TMEM177: variants seen among roughly 807,000 people sequenced by gnomAD.
TMEM177 encodes the protein transmembrane protein 177.
Under a neutral mutation model 14.2 loss-of-function variants are expected in TMEM177, and 4 were observed. The observed-to-expected ratio is 0.28, with a 90% CI of 0.14 to 0.64. The LOEUF (loss-of-function observed/expected upper bound fraction) is 0.64. Ranked by LOEUF, TMEM177 falls within the 30% of genes least tolerant of loss-of-function variation. The pLI, the probability that TMEM177 is intolerant of heterozygous loss-of-function variation, is 0.82. For missense variants in TMEM177, 344 were observed against 405.2 expected (o/e 0.85, Z 1.30); for synonymous variants, 179 against 174.5 (o/e 1.03, Z -0.20).
chr2:119,713,536 A>G, the TMEM177 span, among the ~76,000 whole-genome samples: 22 of 152,178 alleles, frequency 1.4e-4, no homozygotes, highest in Non-Finnish European at 3.1e-4. Context: ...TAAATATTTC[A>G]TTTAAAAACT....
the TMEM177 span, among the ~76,000 whole-genome samples, chr2:119,706,379 C>T: frequency 6.6e-6 from 1 of 152,098 alleles, no homozygotes; most frequent in Non-Finnish European, 1.5e-5. Context: ...AAGGGGTGGC[C>T]TCACCACTAG....
At chr2:119,694,206 A>ATG in the TMEM177 span, among the ~76,000 whole-genome samples, 2 of 151,748 alleles carry the variant, frequency 1.3e-5, no homozygotes, top group African/African-American at 4.8e-5. Context: ...TACCATGCAC[A>ATG]CACAACACAA....
chr2:119,714,851 G>A, the TMEM177 span, among the ~76,000 whole-genome samples: 3 of 152,254 alleles, frequency 2.0e-5, no homozygotes, highest in Admixed American at 6.5e-5. Context: ...GGACTTAATC[G>A]TGAAATTGGT....
At chr2:119,705,699 GACAGTCCATC>G in the TMEM177 span, among the ~76,000 whole-genome samples, 1 of 150,244 alleles carries the variant, frequency 6.7e-6, no homozygotes, top group African/African-American at 2.5e-5. Flanking sequence ...TCAAGGGAGT[GACAGTCCATC>G]ACATTGGCCA....
chr2:119,709,716 T>A, the TMEM177 span, among the ~76,000 whole-genome samples: 1 of 149,328 alleles, frequency 6.7e-6, no homozygotes, highest in African/African-American at 2.5e-5. Flanking sequence ...TCCCAGCTAC[T>A]TGGGAGGCTG....
the TMEM177 span, among the ~76,000 whole-genome samples, chr2:119,699,462 C>T: frequency 6.6e-6 from 1 of 152,112 alleles, no homozygotes; most frequent in Non-Finnish European, 1.5e-5. Flanking sequence ...AATTCAGGCT[C>T]GCAGACAATT....
the TMEM177 span, among the ~76,000 whole-genome samples, chr2:119,722,896 T>G: frequency 5.9e-5 from 9 of 152,224 alleles, no homozygotes; most frequent in African/African-American, 1.9e-4. Flanking sequence ...TACTAAGGAT[T>G]ATGCAACTGT....
chr2:119,716,163 G>A, the TMEM177 span, among the ~76,000 whole-genome samples: 2 of 152,214 alleles, frequency 1.3e-5, no homozygotes, highest in Non-Finnish European at 2.9e-5. Flanking sequence ...CGACAGGGCT[G>A]ACTGTGGAGC....
chr2:119,687,366 ATG>A (rs1454204837), downstream of TMEM177, among the ~76,000 whole-genome samples: 2 of 152,234 alleles, frequency 1.3e-5, no homozygotes, highest in Non-Finnish European at 2.9e-5. Context: ...TCATGCTGCT[ATG>A]AAGAAATACC....
the TMEM177 span, among the ~76,000 whole-genome samples, chr2:119,709,193 G>A: frequency 3.3e-5 from 5 of 152,204 alleles, no homozygotes; most frequent in African/African-American, 1.2e-4. Context: ...ACTGTGTTAT[G>A]ACATGCAGAC....
In TMEM177 at chr2:119,681,864, C is replaced by G. The variant is rs539274547; in HGVS notation, c.*75C>G. 1.3e-5 allele frequency: 18 copies of G among 1,431,326 alleles called. No homozygotes were observed. In the Admixed American group the frequency reaches 1.6e-4, roughly 13 times the overall value. The allele number at this position is 1,431,326 out of a possible 1,614,324, so 88.7% of individuals were successfully genotyped here. ...TTGAGTCTGGAGGGCCCTGTTGGAGCCTTTGGACCTATAGCTCACGGCCAG... is the reference window on the plus strand; with the variant it reads ...TTGAGTCTGGAGGGCCCTGTTGGAGGCTTTGGACCTATAGCTCACGGCCAG... On this transcript the variant is annotated 3_prime_UTR_variant, in exon 2 of 2. Coordinates refer to ENST00000272521, the MANE Select transcript of TMEM177 (RefSeq NM_030577.3).
At chr2:119,700,287 C>T in the TMEM177 span, 1 of 153,828 alleles carries the variant, frequency 6.5e-6, no homozygotes, top group African/African-American at 2.4e-5. Context: ...AGCTGGGTGC[C>T]ATGGGAATCT....
the TMEM177 span, among the ~76,000 whole-genome samples, chr2:119,711,366 A>C: frequency 6.6e-6 from 1 of 152,110 alleles, no homozygotes; most frequent in Non-Finnish European, 1.5e-5. Context: ...TTTAATCTCT[A>C]TTTTCTCATC....
downstream of TMEM177, among the ~76,000 whole-genome samples, chr2:119,688,165 T>A (rs1366578411): frequency 1.3e-5 from 2 of 152,200 alleles, no homozygotes; most frequent in Admixed American, 1.3e-4. Flanking sequence ...GGGGAAATAC[T>A]AGTTATAAAT....
chr2:119,716,586 G>T, the TMEM177 span, among the ~76,000 whole-genome samples: 7 of 152,302 alleles, frequency 4.6e-5, no homozygotes, highest in East Asian at 1.2e-3. Context: ...GGAACAATTT[G>T]TGTTGACTTG....
chr2:119,696,124 C>G, the TMEM177 span, among the ~76,000 whole-genome samples: 1 of 152,276 alleles, frequency 6.6e-6, no homozygotes, highest in East Asian at 1.9e-4. Flanking sequence ...CAGGGCCTGG[C>G]CCAGGAGGCA....
chr2:119,695,361 C>A, the TMEM177 span, among the ~76,000 whole-genome samples: 7 of 152,246 alleles, frequency 4.6e-5, no homozygotes, highest in African/African-American at 1.4e-4. Context: ...GTTCCCATGG[C>A]AGCCTGGCAC....
At chr2:119,718,063 T>TAGGG in the TMEM177 span, among the ~76,000 whole-genome samples, 4 of 152,240 alleles carry the variant, frequency 2.6e-5, no homozygotes, top group Admixed American at 2.6e-4. Context: ...GGGGCACAAA[T>TAGGG]AGGGGTCTGA....
In TMEM177 at chr2:119,681,051, A is replaced by G. The variant is rs1164254021; in HGVS notation, c.198A>G (p.Gln66=). 3.1e-6 allele frequency: 5 copies of G among 1,614,086 alleles called. No individual in the cohort carries two copies. Among genetic ancestry groups the G allele is most frequent in the South Asian group, 2.2e-5 (2 of 91,096 alleles). ...PLPPQLQSLF[Q]EVLQDIGVPS... is the part of the protein sequence containing the mutation. ...CTCCACAGCTGCAGAGCCTCTTCCA[A>G]GAGGTGCTACAGGACATAGGTGTTC... The change falls in exon 2 of 2, where the codon CAA becomes CAG. Residue 66 remains glutamine, a synonymous_variant. Transcript: ENST00000272521.
Sources: gnomAD v4.1 joint callset for allele counts (sites outside exome capture counted in the v4.1 genomes callset) on GRCh38, gnomAD v4.1.1 for gene constraint, MANE v1.5 for transcripts, NCBI Gene and HGNC (gene_info 2026-07-23, HGNC 2026-07-21) for gene names.